Variants in HDAC1 observed in about 807,000 individuals in gnomAD.
HDAC1 encodes protein deacetylase HDAC1.
HDAC1 carries 18 observed loss-of-function variants against 65.5 expected under a neutral mutation model. The observed-to-expected ratio is 0.27, with a 90% CI of 0.19 to 0.41. The LOEUF (loss-of-function observed/expected upper bound fraction) is 0.41, where lower values mean the gene tolerates loss of function less well. Among genes scored for constraint, HDAC1 ranks in the 10% least tolerant of loss-of-function variants. HDAC1 has a pLI of 1.00. For missense variants in HDAC1, 373 were observed against 625.2 expected (o/e 0.60, Z 4.30); for synonymous variants, 211 against 227.9 (o/e 0.93, Z 0.67).
intron 2 of HDAC1, among the ~76,000 whole-genome samples, chr1:32,309,692 A>AAC (rs1640963848): frequency 6.7e-6 from 1 of 148,380 alleles, no homozygotes; most frequent in African/African-American, 2.4e-5. Flanking sequence ...AAAAAAAAAA[A>AAC]AAAAAAAAAA....
Position 32,329,472 on chromosome 1 carries a change from A to T in HDAC1, c.729+312A>T, listed in dbSNP as rs749746670. 4 of 452,008 alleles carry T rather than the reference A, an allele frequency of 8.8e-6. No individual in the cohort carries two copies. The highest frequency in any genetic ancestry group is 1.6e-5 in the Non-Finnish European group (4 of 248,054). The allele number at this position is 452,008 out of a possible 1,614,324, so 28.0% of individuals were successfully genotyped here. A position where few individuals can be genotyped will look rare whatever the true frequency, so the allele number is the denominator to read the frequency against. ...TGATTAGTACTGTTTTTGTATCTCC[A>T]TTTCTTTGGGCTGCTGGGAGATTAT... On this transcript the variant is annotated intron_variant, in intron 7 of 13. Coordinates refer to ENST00000373548, the MANE Select transcript of HDAC1 (RefSeq NM_004964.3). This position sits in a 1 kb window ranked among gnomAD's most constrained non-coding sequence, Gnocchi z 4.1.
At chr1:32,321,886 G>C (rs1261559101) in intron 3 of HDAC1, among the ~76,000 whole-genome samples, 1 of 152,112 alleles carries the variant, frequency 6.6e-6, no homozygotes, top group Admixed American at 6.6e-5. Context: ...TGGATAAACA[G>C]CCGGGGCCCA....
rs1570041471 is a variant in HDAC1 at position 32,330,812 on chromosome 1, A to G, written c.883A>G (p.Met295Val). 6.2e-7 allele frequency: 1 copy of G among 1,614,156 alleles called. No individual in the cohort carries two copies. The highest frequency in any genetic ancestry group is 8.5e-7 in the Non-Finnish European group (1 of 1,180,008). The change falls in exon 9 of 14, where the codon ATG becomes GTG. Residue 295 changes from methionine (M) to valine (V), a missense_variant. Physicochemically the swap from Met to Val is conservative, Grantham distance 21 (BLOSUM62 1). Transcript: ENST00000373548. The surrounding 1 kb of genome is among the most constrained non-coding windows in gnomAD (Gnocchi z 4.2). ...VEFVKSFNLP[M>V]LMLGGGGYTI... is the part of the protein sequence containing the mutation. ...ATTTGTCAAGAGCTTTAACCTGCCT[A>G]TGCTGATGCTGGGAGGCGGTGGTTA...
At chr1:32,309,209 G>A (rs1015221266) in intron 2 of HDAC1, among the ~76,000 whole-genome samples, 1 of 152,168 alleles carries the variant, frequency 6.6e-6, no homozygotes, top group Non-Finnish European at 1.5e-5. Context: ...CCTGCTCCTG[G>A]CCTCCCAGAG....
In HDAC1 at chr1:32,329,116, C is replaced by T. The variant is rs145372036; in HGVS notation, c.685C>T (p.Arg229Ter). The change falls in exon 7 of 14, where the codon CGA (arginine) becomes TGA (stop). Residue 229 changes from arginine (R) to a stop codon, truncating the protein, a stop_gained. Transcript: ENST00000373548. LOFTEE classifies it high-confidence loss of function. The surrounding 1 kb of genome is among the most constrained non-coding windows in gnomAD (Gnocchi z 4.1). ...GKYYAVNYPL[R>*]DGIDDESYEA... ...GTATTATGCTGTTAACTACCCGCTC[C>T]GAGACGGGATTGATGACGAGTCCTA... The T allele has an allele frequency of 6.2e-7, 1 of 1,613,178 alleles. No individual in the cohort carries two copies. Among genetic ancestry groups the T allele is most frequent in the Non-Finnish European group, 8.5e-7 (1 of 1,179,224 alleles).
In HDAC1 at chr1:32,329,045, A is replaced by C. The variant is rs373084792; in HGVS notation, c.637-23A>C. On this transcript the variant is annotated intron_variant, in intron 6 of 13. Coordinates refer to ENST00000373548, the MANE Select transcript of HDAC1 (RefSeq NM_004964.3). This position sits in a 1 kb window ranked among gnomAD's most constrained non-coding sequence, Gnocchi z 4.1. ...CCTTCAAGCTTCATCCTTCAGTTTT[A>C]CTTTAATGGCCTTTTTAATTAGGAT... 3 of 1,416,236 alleles carry C rather than the reference A, an allele frequency of 2.1e-6. No homozygotes were observed. In the African/African-American group the frequency reaches 4.2e-5, roughly 20 times the overall value. 87.7% of individuals were successfully genotyped at this position (1,416,236 alleles called of 1,614,324 possible).
chr1:32,305,810 G>C (rs962545292), intron 2 of HDAC1, among the ~76,000 whole-genome samples: 1 of 152,020 alleles, frequency 6.6e-6, no homozygotes, highest in Admixed American at 6.6e-5. Flanking sequence ...GGGTTTTGCT[G>C]TGTTAACCAG....
intron 2 of HDAC1, among the ~76,000 whole-genome samples, chr1:32,306,762 G>C (rs1640916456): frequency 6.6e-6 from 1 of 151,966 alleles, no homozygotes; most frequent in Non-Finnish European, 1.5e-5. Context: ...TATCTGAGGG[G>C]GGATACTTTC....
In HDAC1 at chr1:32,296,294, C is replaced by T. The variant is rs931030568; in HGVS notation, c.49+4076C>T. Among the ~76,000 whole-genome samples, 5 of 152,142 alleles carry T rather than the reference C, an allele frequency of 3.3e-5. No homozygotes were observed. The South Asian group carries it at 6.2e-4, about 19-fold the overall frequency. ...AAGGGAGGGATTGGGCAAGTGTTGG[C>T]GGCAACTGGGGCAGAAGCTAGATTG... On this transcript the variant is annotated intron_variant, in intron 1 of 13. Coordinates refer to ENST00000373548, the MANE Select transcript of HDAC1 (RefSeq NM_004964.3).
At chr1:32,299,914 C>T (rs559418828) in intron 1 of HDAC1, among the ~76,000 whole-genome samples, 116 of 152,056 alleles carry the variant, frequency 7.6e-4, no homozygotes, top group Non-Finnish European at 1.3e-3. Flanking sequence ...AAAAATTAGC[C>T]GGGCTTGATG....
intron 2 of HDAC1, among the ~76,000 whole-genome samples, chr1:32,314,410 C>G (rs1641030070): frequency 6.6e-6 from 1 of 152,076 alleles, no homozygotes; most frequent in African/African-American, 2.4e-5. Flanking sequence ...CCAGGCTGGT[C>G]TCAAACTCCT....
chr1:32,312,976 A>G (rs1157151657), intron 2 of HDAC1, among the ~76,000 whole-genome samples: 1 of 150,142 alleles, frequency 6.7e-6, no homozygotes, highest in East Asian at 2.0e-4. Context: ...GCACCTGGCC[A>G]TGAACTTTAA....
Position 32,330,321 on chromosome 1 carries a change from G to C in HDAC1, c.730-257G>C. On this transcript the variant is annotated intron_variant, in intron 7 of 13. Transcript: ENST00000373548. The surrounding 1 kb of genome is among the most constrained non-coding windows in gnomAD (Gnocchi z 4.2). ...AGCTTGGGCAACAGAAGAGACTTAG[G>C]GAGTTGAGAGGGAGGCCATTCTAGG... The C allele has an allele frequency of 2.2e-6, 1 of 456,466 alleles. No homozygotes were observed. The highest frequency in any genetic ancestry group is 4.0e-6 in the Non-Finnish European group (1 of 248,178). 28.3% of individuals were successfully genotyped at this position (456,466 alleles called of 1,614,324 possible). A position where few individuals can be genotyped will look rare whatever the true frequency, so the allele number is the denominator to read the frequency against.
intron 3 of HDAC1, among the ~76,000 whole-genome samples, chr1:32,320,349 C>G (rs1641124016): frequency 6.6e-6 from 1 of 152,124 alleles, no homozygotes; most frequent in Non-Finnish European, 1.5e-5. Flanking sequence ...TAAACCCTTT[C>G]TGGTCACTTT....
chr1:32,331,339 G>C lies in HDAC1; in HGVS notation c.980-135G>C. The C allele has an allele frequency of 1.6e-6, 1 of 637,758 alleles. No individual in the cohort carries two copies. The highest frequency in any genetic ancestry group is 1.9e-5 in the South Asian group (1 of 52,592). 39.5% of individuals were successfully genotyped at this position (637,758 alleles called of 1,614,324 possible). On this transcript the variant is annotated intron_variant, in intron 9 of 13. Transcript: ENST00000373548. This position sits in a 1 kb window ranked among gnomAD's most constrained non-coding sequence, Gnocchi z 4.2. ...ATCCCATAGGTACCCGTGTCTCACAGTGTCTTGGAGGCATTCTCCTCTGTT... is the reference window on the plus strand; with the variant it reads ...ATCCCATAGGTACCCGTGTCTCACACTGTCTTGGAGGCATTCTCCTCTGTT...
chr1:32,299,898 T>A (rs1445264647), intron 1 of HDAC1, among the ~76,000 whole-genome samples: 1 of 151,658 alleles, frequency 6.6e-6, no homozygotes. Flanking sequence ...TTACTAAAAG[T>A]ACAAAAAAAA....
At chr1:32,332,870 C>T in intron 13 of HDAC1, 121 bp downstream of exon 13, 2 of 1,155,228 alleles carry the variant, frequency 1.7e-6, no homozygotes, top group Non-Finnish European at 2.5e-6. Flanking sequence ...CTTTCAGGGA[C>T]CAGTCTGTCC....
At chr1:32,321,230 CA>C (rs112104314) in intron 3 of HDAC1, among the ~76,000 whole-genome samples, 8,905 of 136,230 alleles carry the variant, frequency 0.065, 837 homozygotes, top group African/African-American at 0.22. Context: ...GACTCTGTCT[CA>C]AAAAAAAAAA....
Position 32,327,608 on chromosome 1 carries a change from C to G in HDAC1, c.567C>G (p.Thr189=). 6.2e-7 allele frequency: 1 copy of G among 1,613,262 alleles called. No homozygotes were observed. The highest frequency in any genetic ancestry group is 1.1e-5 in the South Asian group (1 of 91,064). ...ACGGCGTGGAAGAGGCCTTCTACAC[C>G]ACGGACCGGGTCATGACTGTGTCCT... ...HGDGVEEAFY[T]TDRVMTVSFH... is the part of the protein sequence containing the mutation. Residue 189 remains threonine (T), a synonymous_variant, in exon 6 of 14, where the codon ACC becomes ACG. Coordinates refer to ENST00000373548, the MANE Select transcript of HDAC1 (RefSeq NM_004964.3). This position sits in a 1 kb window ranked among gnomAD's most constrained non-coding sequence, Gnocchi z 6.0.
Sources: allele counts gnomAD v4.1 joint callset (sites outside exome capture counted in the v4.1 genomes callset), GRCh38; gene constraint gnomAD v4.1.1; non-coding constraint Gnocchi (gnomAD v3.1); transcripts MANE v1.5; gene names NCBI Gene and HGNC (gene_info 2026-07-23, HGNC 2026-07-21).